PLEKHG1: variants seen among roughly 807,000 people sequenced by gnomAD.
The protein encoded by PLEKHG1 is pleckstrin homology domain-containing family G member 1.
Under a neutral mutation model 100.8 loss-of-function variants are expected in PLEKHG1, and 44 were observed. The observed-to-expected ratio is 0.44, with a 90% confidence interval of 0.34 to 0.56. PLEKHG1 has a LOEUF of 0.56. Ranked by LOEUF, PLEKHG1 falls within the 20% of genes least tolerant of loss-of-function variation. PLEKHG1 has a pLI of 0.01. For synonymous variants in PLEKHG1, 640 were observed against 662.5 expected, an observed-to-expected ratio of 0.97 and a Z score of 0.52; for missense variants, 1,545 against 1,720.9, an observed-to-expected ratio of 0.90 and a Z score of 1.81.
intron 3 of PLEKHG1, among the ~76,000 whole-genome samples, chr6:150,696,139 T>C (rs1780533372): frequency 6.6e-6 from 1 of 152,168 alleles, no homozygotes; most frequent in Admixed American, 6.5e-5. Flanking sequence ...AAAGAGACTA[T>C]TTTAGGATGT....
At position 150,683,749 on chromosome 6, in the gene PLEKHG1, C is replaced by T. The variant is rs1188015149; in HGVS notation, c.-99+32963C>T. The T allele has an allele frequency of 1.6e-5, 20 of 1,279,132 alleles. No individual in the cohort carries two copies. The highest frequency in any genetic ancestry group is 1.9e-5 in the Non-Finnish European group (19 of 982,794). 79.2% of individuals were successfully genotyped at this position (1,279,132 alleles called of 1,614,324 possible). On this transcript the variant is annotated intron_variant, in intron 3 of 3. Coordinates refer to the PLEKHG1 transcript ENST00000367326. The surrounding 1 kb of genome is among the most constrained non-coding windows in gnomAD (Gnocchi z 4.0). Reference sequence around the variant, plus strand: ...CTGCGCTAGTATCCAGGGCATAGGACGTCTGAAGGAAAGATGGAGCCATTC... The same window carrying T: ...CTGCGCTAGTATCCAGGGCATAGGATGTCTGAAGGAAAGATGGAGCCATTC...
intron 2 of PLEKHG1, among the ~76,000 whole-genome samples, chr6:150,757,751 A>G (rs1022021129): frequency 3.3e-5 from 5 of 152,144 alleles, no homozygotes; most frequent in Admixed American, 2.6e-4. Context: ...CAGTTTTATT[A>G]CGTAGGTAAA....
At chr6:150,830,415 G>A (rs377383760) in intron 14 of PLEKHG1, among the ~76,000 whole-genome samples, 167 bp from the exon 16 acceptor site, 1 of 152,252 alleles carries the variant, frequency 6.6e-6, no homozygotes, top group African/African-American at 2.4e-5. Flanking sequence ...TTGAGCCCAG[G>A]AGTTTGAGAT....
At chr6:150,629,348 T>G (rs957426450) in intron 1 of PLEKHG1, among the ~76,000 whole-genome samples, 9 of 152,310 alleles carry the variant, frequency 5.9e-5, no homozygotes, top group East Asian at 5.8e-4. Flanking sequence ...GTTGGATAAG[T>G]TATGGAATAT....
At chr6:150,822,753 G>T (rs1260552775) in intron 13 of PLEKHG1, among the ~76,000 whole-genome samples, 1 of 152,196 alleles carries the variant, frequency 6.6e-6, no homozygotes, top group Non-Finnish European at 1.5e-5. Flanking sequence ...GCCGAGGAGG[G>T]TGGATCACCT....
At chr6:150,649,855 C>CA (rs1191118135) in intron 2 of PLEKHG1, among the ~76,000 whole-genome samples, 3 of 151,098 alleles carry the variant, frequency 2.0e-5, no homozygotes, top group Non-Finnish European at 4.4e-5. Context: ...ACTAAAAATA[C>CA]AAAAAAATTA....
upstream of PLEKHG1, among the ~76,000 whole-genome samples, chr6:150,717,577 G>C (rs1329978249): frequency 6.6e-6 from 1 of 152,134 alleles, no homozygotes; most frequent in Non-Finnish European, 1.5e-5. Flanking sequence ...TTGTGTTCTG[G>C]TTGCTATAGT....
At chr6:150,722,268 T>C (rs1013953388) in intron 1 of PLEKHG1, among the ~76,000 whole-genome samples, 46 of 152,098 alleles carry the variant, frequency 3.0e-4, no homozygotes, top group African/African-American at 1.1e-3. Flanking sequence ...CATTGTACCT[T>C]CTAAATGGCT....
At chr6:150,675,647 T>C (rs1248109031) in intron 3 of PLEKHG1, among the ~76,000 whole-genome samples, 3 of 152,180 alleles carry the variant, frequency 2.0e-5, no homozygotes, top group Non-Finnish European at 4.4e-5. Context: ...GAGGTGTGAT[T>C]GGCTAATTTC....
chr6:150,742,506 A>G (rs1401884426), intron 2 of PLEKHG1, among the ~76,000 whole-genome samples: 2 of 132,172 alleles, frequency 1.5e-5, no homozygotes, highest in Admixed American at 1.9e-4. Context: ...CAGAGGTTGC[A>G]ATGAGCCAAG....
intron 10 of PLEKHG1, among the ~76,000 whole-genome samples, chr6:150,814,390 G>T (rs1197604716): frequency 6.6e-6 from 1 of 152,206 alleles, no homozygotes; most frequent in Non-Finnish European, 1.5e-5. Flanking sequence ...GTATTCAAAT[G>T]GTTAATATAG....
At chr6:150,725,215 T>C (rs1446388061) in intron 1 of PLEKHG1, among the ~76,000 whole-genome samples, 2 of 152,148 alleles carry the variant, frequency 1.3e-5, no homozygotes, top group Admixed American at 6.5e-5. Context: ...ACAAGCTCCC[T>C]CTGTCCTCTT....
chr6:150,828,192 C>T (rs1776721012), intron 14 of PLEKHG1: 4 of 1,613,832 alleles, frequency 2.5e-6, no homozygotes, highest in Non-Finnish European at 3.4e-6. Context: ...TATCAAGGCT[C>T]AGTTTATTGG....
chr6:150,812,167 G>T (rs559154799), intron 10 of PLEKHG1, among the ~76,000 whole-genome samples: 1 of 152,254 alleles, frequency 6.6e-6, no homozygotes, highest in South Asian at 2.1e-4. Context: ...GCTCTCACTG[G>T]CACCCGTGCT....
chr6:150,644,101 A>G (rs910476396), intron 2 of PLEKHG1, among the ~76,000 whole-genome samples: 1 of 152,174 alleles, frequency 6.6e-6, no homozygotes, highest in Non-Finnish European at 1.5e-5. Flanking sequence ...AATTACCTCC[A>G]TGAATGAAAA....
chr6:150,655,743 A>G (rs1778944674), intron 3 of PLEKHG1, among the ~76,000 whole-genome samples: 1 of 151,672 alleles, frequency 6.6e-6, no homozygotes, highest in Non-Finnish European at 1.5e-5. Flanking sequence ...AAATGTGACA[A>G]ATATACACCA....
chr6:150,840,241 G>A lies in PLEKHG1; in HGVS notation c.3503G>A (p.Arg1168Gln), dbSNP rs139288616. ...GACCATCTTTACAACTCCTTGGGTCGGAAAGGGATCAGCGCTAAATCTCAG... is the reference window on the plus strand; with the variant it reads ...GACCATCTTTACAACTCCTTGGGTCAGAAAGGGATCAGCGCTAAATCTCAG... The change falls in exon 16 of 16, where the codon CGG becomes CAG. Residue 1168 changes from arginine (R) to glutamine (Q), a missense_variant. By Grantham distance (43) the Arg-to-Gln change is conservative. Coordinates refer to ENST00000358517, the Ensembl canonical transcript of PLEKHG1. 363 of 1,614,146 alleles carry A rather than the reference G, an allele frequency of 2.2e-4. 2 individuals carry two copies. The African/African-American group carries it at 3.1e-3, about 14-fold the overall frequency.
intron 3 of PLEKHG1, among the ~76,000 whole-genome samples, chr6:150,700,088 C>T (rs898456232): frequency 2.3e-4 from 35 of 152,070 alleles, no homozygotes; most frequent in African/African-American, 8.5e-4. Flanking sequence ...TGGAAGGACC[C>T]AATATTACAG....
rs576302492 is a variant in PLEKHG1 at position 150,655,598 on chromosome 6, C to G, written c.-99+4812C>G. ...TGGCGGGCGCCTGTAGTCTCAGCTA[C>G]TCGGGAGGCTGAGGCAGGAGAATGG... On this transcript the variant is annotated intron_variant, in intron 3 of 3. Coordinates refer to the PLEKHG1 transcript ENST00000367326. Among the ~76,000 whole-genome samples, 3 of 150,612 alleles carry G rather than the reference C, an allele frequency of 2.0e-5. No individual in the cohort carries two copies. In the East Asian group the frequency reaches 5.9e-4, roughly 30 times the overall value.
Sources: allele counts gnomAD v4.1 joint callset (sites outside exome capture counted in the v4.1 genomes callset), GRCh38; gene constraint gnomAD v4.1.1; non-coding constraint Gnocchi (gnomAD v3.1); transcripts MANE v1.5; gene names NCBI Gene and HGNC (gene_info 2026-07-23, HGNC 2026-07-21).